The following MAMDC4 variants were observed in gnomAD, a reference collection of about 807,000 sequenced individuals.
MAMDC4 encodes apical endosomal glycoprotein.
Under a neutral mutation model 153.3 loss-of-function variants are expected in MAMDC4, and 168 were observed. The observed-to-expected ratio is 1.10, with a 90% confidence interval of 0.97 to 1.25. MAMDC4 has a LOEUF of 1.25. Ranked by LOEUF, MAMDC4 falls within the 50% of genes most tolerant of loss-of-function variation. MAMDC4 has a pLI of 0.00. For synonymous variants in MAMDC4, 744 were observed against 651.5 expected, an observed-to-expected ratio of 1.14 and a Z score of -2.16; for missense variants, 1,701 against 1,542.8, an observed-to-expected ratio of 1.10 and a Z score of -1.72.
chr9:136,853,692 C>T (rs767556663), intron 4 of MAMDC4, 22 bp downstream of exon 4: 2 of 1,373,714 alleles, frequency 1.5e-6, no homozygotes, highest in South Asian at 1.1e-5. Context: ...ACCCCCAAGG[C>T]TCGTGGGGGG....
chr9:136,852,476 T>C lies in MAMDC4; in HGVS notation c.46+14T>C. ...TCCTGTTCCTGGGTAAGTAGTCTGG[T>C]CCCACTCCTGAGGCAGGACCAGGGG... is the stretch of plus-strand genomic sequence containing the variant. On this transcript the variant is annotated intron_variant, in intron 1 of 26. Coordinates refer to ENST00000317446, the MANE Select transcript of MAMDC4 (RefSeq NM_206920.3). The C allele has an allele frequency of 6.2e-7, 1 of 1,608,904 alleles. No individual in the cohort carries two copies. Among genetic ancestry groups the C allele is most frequent in the South Asian group, 1.1e-5 (1 of 91,084 alleles).
Position 136,857,703 on chromosome 9 carries a change from G to C in MAMDC4, c.2371G>C (p.Gly791Arg). The C allele has an allele frequency of 6.2e-7, 1 of 1,612,610 alleles. No homozygotes were observed. The highest frequency in any genetic ancestry group is 8.5e-7 in the Non-Finnish European group (1 of 1,179,842). The change falls in exon 19 of 27, where the codon GGC (glycine) becomes CGC (arginine). Residue 791 changes from glycine to arginine, a missense_variant. Transcript: ENST00000317446. Reference protein sequence around the residue: ...VDTSPDALPRGQTASLTSKEH... With the variant: ...VDTSPDALPRRQTASLTSKEH... Reference sequence around the variant, plus strand: ...CACAAGCCCAGACGCACTACCCCGGGGCCAGACGGCCTCCCTGACCTCCAA... The same window carrying C: ...CACAAGCCCAGACGCACTACCCCGGCGCCAGACGGCCTCCCTGACCTCCAA...
At chr9:136,852,905 G>T (rs1407331313) in intron 1 of MAMDC4, among the ~76,000 whole-genome samples, 197 bp from the exon 2 acceptor site, 1 of 152,214 alleles carries the variant, frequency 6.6e-6, no homozygotes, top group Non-Finnish European at 1.5e-5. Flanking sequence ...TTCAGGGCTG[G>T]AAACAGGAAC....
chr9:136,855,647 T>C, intron 12 of MAMDC4, 28 bp downstream of exon 12: 1 of 1,566,094 alleles, frequency 6.4e-7, no homozygotes. Flanking sequence ...CCTGCAGACC[T>C]CCTGCTGCGG....
Position 136,853,459 on chromosome 9 carries a change from G to A in MAMDC4, c.328+1G>A. ...GACCACACACTGGGCACCGACTTGG[G>A]TGAGGCCAGGGCAAGTCTCTGTGCG... On this transcript the variant is annotated splice_donor_variant, in intron 3 of 26. Transcript: ENST00000317446. LOFTEE classifies it high-confidence loss of function. 2 of 1,604,260 alleles carry A rather than the reference G, an allele frequency of 1.2e-6. No homozygotes were observed. Among genetic ancestry groups the A allele is most frequent in the Non-Finnish European group, 1.7e-6 (2 of 1,173,828 alleles).
Position 136,854,684 on chromosome 9 carries a change from C to G in MAMDC4, c.934+8C>G. The G allele has an allele frequency of 6.2e-7, 1 of 1,611,104 alleles. No individual in the cohort carries two copies. Among genetic ancestry groups the G allele is most frequent in the Non-Finnish European group, 8.5e-7 (1 of 1,179,204 alleles). On this transcript the variant is annotated splice_region_variant and intron_variant, in intron 8 of 26. Coordinates refer to ENST00000317446, the MANE Select transcript of MAMDC4 (RefSeq NM_206920.3). ...GCCGGAACAGTGCACAGGGTGAGGC[C>G]CACAGAGGACCCGGCCCAGGCCCTG...
intron 26 of MAMDC4, 99 bp from the exon 27 acceptor site, chr9:136,860,463 G>A (rs12378561): frequency 7.7e-7 from 1 of 1,299,362 alleles, no homozygotes; most frequent in Non-Finnish European, 1.1e-6. Flanking sequence ...AGGGGTTGCA[G>A]TGAGCGAAGA....
At chr9:136,856,381 G>A (rs1214407956) in intron 14 of MAMDC4, 1 of 841,346 alleles carries the variant, frequency 1.2e-6, no homozygotes. Flanking sequence ...GGCCCTTCCG[G>A]GTGAGGAGGG....
Position 136,857,700 on chromosome 9 carries a change from C to T in MAMDC4, c.2368C>T (p.Arg790Trp), listed in dbSNP as rs533007586. ...VVDTSPDALP[R>W]GQTASLTSKE... ...GGACACAAGCCCAGACGCACTACCCCGGGGCCAGACGGCCTCCCTGACCTC... is the reference window on the plus strand; with the variant it reads ...GGACACAAGCCCAGACGCACTACCCTGGGGCCAGACGGCCTCCCTGACCTC... The change falls in exon 19 of 27, where the codon CGG (arginine) becomes TGG (tryptophan). Residue 790 changes from arginine (R) to tryptophan (W), a missense_variant. By Grantham distance (101) the Arg-to-Trp change is moderately radical (BLOSUM62 -3). Coordinates refer to ENST00000317446, the MANE Select transcript of MAMDC4 (RefSeq NM_206920.3). 18 of 1,612,454 alleles carry T rather than the reference C, an allele frequency of 1.1e-5. No homozygotes were observed. The highest frequency in any genetic ancestry group is 3.3e-4 in the Middle Eastern group (2 of 6,084).
Position 136,859,145 on chromosome 9 carries a change from G to A in MAMDC4, c.3084+13G>A. 6.3e-7 allele frequency: 1 copy of A among 1,579,532 alleles called. No individual in the cohort carries two copies. The highest frequency in any genetic ancestry group is 8.6e-7 in the Non-Finnish European group (1 of 1,161,558). ...CAAGGAGTTCCAGGTGAGGCTGGCT[G>A]TGGGCAAGGAGCCTCCTCCTCCTCC... On this transcript the variant is annotated intron_variant, in intron 24 of 26. Coordinates refer to ENST00000317446, the MANE Select transcript of MAMDC4 (RefSeq NM_206920.3).
At position 136,857,738 on chromosome 9, in the gene MAMDC4, G is replaced by T. The variant is rs781604902; in HGVS notation, c.2406G>T (p.Arg802Ser). Residue 802 changes from arginine to serine, a missense_variant, in exon 19 of 27, where the codon AGG becomes AGT. Transcript: ENST00000317446. ...QTASLTSKEH[R>S]PLAQPACLTF... Reference sequence around the variant, plus strand: ...CCTCCCTGACCTCCAAGGAGCACAGGCCCCTGGCCCAGCCTGCTTGTCTGA... The same window carrying T: ...CCTCCCTGACCTCCAAGGAGCACAGTCCCCTGGCCCAGCCTGCTTGTCTGA... 1 of 1,612,680 alleles carries T rather than the reference G, an allele frequency of 6.2e-7. No homozygotes were observed. The highest frequency in any genetic ancestry group is 1.1e-5 in the South Asian group (1 of 91,078).
At chr9:136,856,293 G>A (rs772700506) in intron 14 of MAMDC4, 144 bp downstream of exon 14, 49 of 1,342,210 alleles carry the variant, frequency 3.7e-5, no homozygotes, top group East Asian at 4.6e-5. Flanking sequence ...AACGGCTCCC[G>A]GGAGCTGGCA....
chr9:136,858,888 CG>C, intron 23 of MAMDC4, 35 bp downstream of exon 23: 1 of 1,589,578 alleles, frequency 6.3e-7, no homozygotes, highest in Non-Finnish European at 8.6e-7. Context: ...GCCTGGGCAA[CG>C]GGGGCAGCAG....
intron 14 of MAMDC4, chr9:136,856,487 C>G (rs765277032): frequency 1.3e-6 from 1 of 786,054 alleles, no homozygotes; most frequent in Non-Finnish European, 2.4e-6. Flanking sequence ...GTTTGGTGGA[C>G]TTGGATGGCC....
intron 25 of MAMDC4, 150 bp downstream of exon 25, chr9:136,859,467 G>A: frequency 2.7e-6 from 2 of 747,128 alleles, no homozygotes; most frequent in East Asian, 2.7e-5. Flanking sequence ...CAGGCCCTGT[G>A]CCCTCCTCAC....
At chr9:136,856,364 C>A in intron 14 of MAMDC4, 1 of 902,402 alleles carries the variant, frequency 1.1e-6, no homozygotes, top group Non-Finnish European at 1.9e-6. Flanking sequence ...TCTAGGGGCC[C>A]GCCGCCGGCC....
In MAMDC4 at chr9:136,860,030, C is replaced by T; in HGVS notation, c.3338C>T (p.Thr1113Ile). ...SCPFQSNTEA[T>I]APGFDNILFN... ...CCCTTCCAGAGCAACACAGAGGCCA[C>T]AGCCCCTGGCTTTGACAACATCCTT... Residue 1113 changes from threonine (T) to isoleucine (I), a missense_variant, in exon 26 of 27, where the codon ACA (threonine) becomes ATA (isoleucine). Physicochemically the swap from Thr to Ile is moderately conservative, Grantham distance 89 (BLOSUM62 -1). Coordinates refer to ENST00000317446, the MANE Select transcript of MAMDC4 (RefSeq NM_206920.3). 1.2e-6 allele frequency: 2 copies of T among 1,604,162 alleles called. No individual in the cohort carries two copies. Among genetic ancestry groups the T allele is most frequent in the Non-Finnish European group, 1.7e-6 (2 of 1,175,804 alleles).
chr9:136,855,482 A>C lies in MAMDC4; in HGVS notation c.1334A>C (p.Gln445Pro), dbSNP rs765949289. The C allele has an allele frequency of 6.2e-7, 1 of 1,603,276 alleles. No individual in the cohort carries two copies. The highest frequency in any genetic ancestry group is 1.1e-5 in the South Asian group (1 of 89,960). ...LPPGPRAPAP[Q>P]PLPPSSRLQD... The stretch of plus-strand genomic sequence containing the variant: ...CCTGGGCCCCGGGCCCCAGCCCCCC[A>C]GCCCCTGCCGCCCAGCTCGCGGCTC... The change falls in exon 12 of 27, where the codon CAG becomes CCG. Residue 445 changes from glutamine (Q) to proline (P), a missense_variant. Gln to Pro is a moderately conservative substitution (Grantham distance 76). Coordinates refer to ENST00000317446, the MANE Select transcript of MAMDC4 (RefSeq NM_206920.3).
intron 7 of MAMDC4, 64 bp from the exon 8 acceptor site, chr9:136,854,475 C>T (rs1212592971): frequency 1.3e-6 from 2 of 1,547,404 alleles, no homozygotes; most frequent in East Asian, 4.8e-5. Context: ...CCCCCTGGAG[C>T]TGGGGCCATA....
Sources: gnomAD v4.1 joint callset for allele counts (sites outside exome capture counted in the v4.1 genomes callset) on GRCh38, gnomAD v4.1.1 for gene constraint, MANE v1.5 for transcripts, NCBI Gene and HGNC (gene_info 2026-07-23, HGNC 2026-07-21) for gene names.